Variants in NEB observed in about 807,000 individuals in gnomAD.
NEB encodes the protein nebulin.
A neutral mutation model predicts 952.2 loss-of-function variants in NEB; 512 were observed. The ratio of observed to expected loss-of-function variants is 0.54; its 90% confidence interval spans 0.50 to 0.58. NEB has a LOEUF of 0.58. Among genes scored for constraint, NEB ranks in the 20% least tolerant of loss-of-function variants. The probability of loss-of-function intolerance (pLI) is 0.00; values close to 1 mark genes in which losing one functional copy is unlikely to be tolerated. For synonymous variants in NEB, 2,900 were observed against 3,149.8 expected (o/e 0.92, Z 2.66); for missense variants, 8,428 against 9,231.1 (o/e 0.91, Z 3.56).
At chr2:151,730,616 G>A (rs10803901) in intron 3 of NEB, among the ~76,000 whole-genome samples, 96,888 of 125,232 alleles carry the variant, frequency 0.77, 37,626 homozygotes, top group Non-Finnish European at 0.86. Context: ...ATTTCTTAGT[G>A]AAAAAAAAAA....
At chr2:151,631,388 C>G in intron 65 of NEB, 42 bp from the exon 66 acceptor site, 1 of 1,569,494 alleles carries the variant, frequency 6.4e-7, no homozygotes. Context: ...ATCAAGACCA[C>G]AATATTTAGG....
chr2:151,650,506 T>C, intron 53 of NEB, 68 bp downstream of exon 53: 2 of 1,492,838 alleles, frequency 1.3e-6, no homozygotes, highest in Non-Finnish European at 1.8e-6. Flanking sequence ...CTGCTTCTCT[T>C]TGACTAAATA....
chr2:151,491,717 G>A lies in NEB; in HGVS notation c.25116C>T (p.Asp8372=), dbSNP rs1175197696. 1 of 1,598,372 alleles carries A rather than the reference G, an allele frequency of 6.3e-7. No individual in the cohort carries two copies. Among genetic ancestry groups the A allele is most frequent in the Non-Finnish European group, 8.5e-7 (1 of 1,171,978 alleles). ...GSVFDYDPAE[D]NIQSRSLHMI... is the part of the protein sequence containing the mutation. ...TGTGTAAGCTTCGGGACTGGATGTT[G>A]TCTTCTGCTGGATCATAGTCAAAAA... Residue 8372 remains aspartate (D), a synonymous_variant, in exon 179 of 182, where the codon GAC becomes GAT. Coordinates refer to ENST00000397345, the MANE Select transcript of NEB (RefSeq NM_001164508.2).
At chr2:151,562,469 G>A (rs1248417122) in intron 120 of NEB, 142 bp downstream of exon 120, 21 of 818,962 alleles carry the variant, frequency 2.6e-5, no homozygotes, top group Non-Finnish European at 3.7e-5. Flanking sequence ...ATACCAAAAA[G>A]TGGCTCATGC....
intron 73 of NEB, among the ~76,000 whole-genome samples, 197 bp from the exon 74 acceptor site, chr2:151,618,675 C>A (rs957209583): frequency 2.0e-5 from 3 of 151,970 alleles, no homozygotes; most frequent in Non-Finnish European, 4.4e-5. Context: ...CAGAGGAGTA[C>A]AGCAAGAATG....
chr2:151,710,050 A>G (rs993925398), intron 11 of NEB, among the ~76,000 whole-genome samples: 1 of 152,204 alleles, frequency 6.6e-6, no homozygotes, highest in African/African-American at 2.4e-5. Flanking sequence ...GAAAAGAAAA[A>G]CAATAGACTT....
At position 151,627,591 on chromosome 2, in the gene NEB, C is replaced by G. The variant is rs374359052; in HGVS notation, c.10075G>C (p.Glu3359Gln). 4 of 1,614,022 alleles carry G rather than the reference C, an allele frequency of 2.5e-6. No homozygotes were observed. The highest frequency in any genetic ancestry group is 1.3e-5 in the African/African-American group (1 of 75,050). The change falls in exon 69 of 182, where the codon GAG (glutamate) becomes CAG (glutamine). Residue 3359 changes from glutamate to glutamine, a missense_variant. By Grantham distance (29) the Glu-to-Gln change is conservative. Coordinates refer to ENST00000397345, the MANE Select transcript of NEB (RefSeq NM_001164508.2). ...TTCTGGTCGGGCAGGCACGTCCACT[C>G]GTGCAGGTAGTTCTTGTAGTCCACA... is the stretch of plus-strand genomic sequence containing the variant. Reference protein sequence around the residue: ...SDVDYKNYLHEWTCLPDQNDV... With the variant: ...SDVDYKNYLHQWTCLPDQNDV...
chr2:151,511,870 T>G (rs1256101907), intron 161 of NEB, among the ~76,000 whole-genome samples: 1 of 152,190 alleles, frequency 6.6e-6, no homozygotes, highest in Non-Finnish European at 1.5e-5. Flanking sequence ...TTCTTCCAGA[T>G]CTGCGCACAC....
chr2:151,727,616 T>C (rs2099795187), intron 5 of NEB, 75 bp downstream of exon 5: 2 of 1,429,134 alleles, frequency 1.4e-6, no homozygotes, highest in East Asian at 2.3e-5. Flanking sequence ...CCAGCCAGCA[T>C]CCAAAACAGA....
At position 151,620,359 on chromosome 2, in the gene NEB, A is replaced by G. The variant is rs1251558577; in HGVS notation, c.10560+560T>C. 2.7e-4 allele frequency among the ~76,000 whole-genome samples: 19 copies of G among 70,908 alleles called. 1 individual carries two copies. The highest frequency in any genetic ancestry group is 7.1e-4 in the African/African-American group (17 of 23,966). 46.5% of individuals were successfully genotyped at this position (70,908 alleles called of 152,430 possible). On this transcript the variant is annotated intron_variant, in intron 72 of 181. Coordinates refer to ENST00000397345, the MANE Select transcript of NEB (RefSeq NM_001164508.2). ...TATGTATGTGTGTGTATATATATAT[A>G]TATATATATATATATATATATATAT...
In NEB at chr2:151,561,256, G is replaced by C; in HGVS notation, c.19053C>G (p.Asp6351Glu). 1 of 1,608,234 alleles carries C rather than the reference G, an allele frequency of 6.2e-7. No homozygotes were observed. Among genetic ancestry groups the C allele is most frequent in the Non-Finnish European group, 8.5e-7 (1 of 1,176,990 alleles). ...GAACAGCAGTCACATAGAGGGGCGT[G>C]TCTGTGACCAGATTATAGTTTTGTA... is the stretch of plus-strand genomic sequence containing the variant. ...ENLQNYNLVT[D>E]TPLYVTAVQS... The change falls in exon 122 of 182, where the codon GAC becomes GAG. Residue 6351 changes from aspartate (D) to glutamate (E), a missense_variant. Coordinates refer to ENST00000397345, the MANE Select transcript of NEB (RefSeq NM_001164508.2).
At position 151,684,874 on chromosome 2, in the gene NEB, G is replaced by A. The variant is rs185674525; in HGVS notation, c.2739C>T (p.Ser913=). The A allele has an allele frequency of 8.4e-5, 135 of 1,613,016 alleles. No homozygotes were observed. Among genetic ancestry groups the A allele is most frequent in the East Asian group, 2.0e-4 (9 of 44,868 alleles). ...TQAKKSQAIA[S]DVDYKHILHS... Reference sequence around the variant, plus strand: ...GTAAGATGTGCTTATAATCAACGTCGCTGGCAATTGCCTGAGATTTCTTAG... The same window carrying A: ...GTAAGATGTGCTTATAATCAACGTCACTGGCAATTGCCTGAGATTTCTTAG... The change falls in exon 28 of 182, where the codon AGC becomes AGT. Residue 913 remains serine (S), a synonymous_variant. Transcript: ENST00000397345.
chr2:151,679,448 T>C (rs2099398208), intron 32 of NEB, among the ~76,000 whole-genome samples: 1 of 152,178 alleles, frequency 6.6e-6, no homozygotes, highest in Non-Finnish European at 1.5e-5. Flanking sequence ...CTTCTGGATC[T>C]CCACAAGAGA....
In NEB at chr2:151,616,883, A is replaced by G. The variant is rs146724879; in HGVS notation, c.11181+481T>C. Among the ~76,000 whole-genome samples, 1,341 of 152,322 alleles carry G rather than the reference A, an allele frequency of 8.8e-3. 12 individuals are homozygous for G. The highest frequency in any genetic ancestry group is 0.053 in the East Asian group (274 of 5,184). ...TTGCTGTGGACTATTATCTCGGACA[A>G]TGATTCATATATGGACCTGGGATTT... is the stretch of plus-strand genomic sequence containing the variant. On this transcript the variant is annotated intron_variant, in intron 75 of 181. Transcript: ENST00000397345.
At chr2:151,524,206 C>T in intron 153 of NEB, 105 bp downstream of exon 153, 1 of 951,876 alleles carries the variant, frequency 1.1e-6, no homozygotes, top group East Asian at 2.5e-5. Flanking sequence ...AGTACTATTA[C>T]AGACCCAGCA....
At position 151,501,157 on chromosome 2, in the gene NEB, T is replaced by TAAAG. The variant is rs2064171530; in HGVS notation, c.24021+230_24021+233dup. ...ATTAACTTCAACAGTCCCAACAACATAAAGATGAAAAGAGAAGGAAAGAAA... is the reference window on the plus strand; with the variant it reads ...ATTAACTTCAACAGTCCCAACAACATAAAGAAAGATGAAAAGAGAAGGAAAGAAA... On this transcript the variant is annotated intron_variant, in intron 168 of 181. Transcript: ENST00000397345. 6.6e-5 allele frequency among the ~76,000 whole-genome samples: 10 copies of TAAAG among 152,038 alleles called. No homozygotes were observed. In the South Asian group the frequency reaches 2.1e-3, roughly 32 times the overall value.
intron 7 of NEB, 93 bp downstream of exon 7, chr2:151,724,764 C>G: frequency 1.0e-6 from 1 of 983,254 alleles, no homozygotes; most frequent in Middle Eastern, 2.1e-4. Flanking sequence ...GGCTGGTGGG[C>G]AGGATCAGGC....
At position 151,534,341 on chromosome 2, in the gene NEB, T is replaced by C. The variant is rs2153522375; in HGVS notation, c.21313-795A>G. On this transcript the variant is annotated intron_variant, in intron 142 of 181. Coordinates refer to ENST00000397345, the MANE Select transcript of NEB (RefSeq NM_001164508.2). ...TTTTCTGCTCAAACATCATAGCATA[T>C]TATAGCAAGAGTACAACTTCAAGGC... 3.8e-6 allele frequency: 6 copies of C among 1,594,436 alleles called. No homozygotes were observed. The East Asian group carries it at 1.3e-4, about 36-fold the overall frequency.
chr2:151,612,473 G>A, intron 77 of NEB, 84 bp from the exon 78 acceptor site: 8 of 1,236,826 alleles, frequency 6.5e-6, no homozygotes, highest in Non-Finnish European at 6.9e-6. Context: ...CACAGATAAT[G>A]TGTTAGTCTG....
Sources: gnomAD v4.1 joint callset for allele counts (sites outside exome capture counted in the v4.1 genomes callset) on GRCh38, gnomAD v4.1.1 for gene constraint, MANE v1.5 for transcripts, NCBI Gene and HGNC (gene_info 2026-07-23, HGNC 2026-07-21) for gene names.